TMPRSS15: variants seen among roughly 807,000 people sequenced by gnomAD.
TMPRSS15 encodes the protein transmembrane serine protease 15.
A neutral mutation model predicts 125.3 loss-of-function variants in TMPRSS15; 128 were observed. The observed-to-expected ratio is 1.02, with a 90% CI of 0.89 to 1.18. The LOEUF (loss-of-function observed/expected upper bound fraction) is 1.18. TMPRSS15 is among the 50% of genes most tolerant of loss of function. The probability of loss-of-function intolerance (pLI) is 0.00; values close to 1 mark genes in which losing one functional copy is unlikely to be tolerated. For synonymous variants in TMPRSS15, 446 were observed against 423.2 expected (o/e 1.05, Z -0.66); for missense variants, 1,283 against 1,212.7 (o/e 1.06, Z -0.86).
chr21:18,415,309 C>G (rs530094894), intron 1 of TMPRSS15, among the ~76,000 whole-genome samples: 1 of 152,172 alleles, frequency 6.6e-6, no homozygotes, highest in African/African-American at 2.4e-5. Context: ...CTATAGGTTG[C>G]CTTTCAATCT....
chr21:18,372,258 G>T lies in TMPRSS15; in HGVS notation c.599C>A (p.Ala200Asp). 1 of 1,613,248 alleles carries T rather than the reference G, an allele frequency of 6.2e-7. No homozygotes were observed. Among genetic ancestry groups the T allele is most frequent in the South Asian group, 1.1e-5 (1 of 91,060 alleles). ...PCTDALTCIK[A>D]DLFCDGEVNC... ...TACTTCTCCATCACAAAATAAATCAGCTTTTATACACGTTAGAGCATCAGT... is the reference window on the plus strand; with the variant it reads ...TACTTCTCCATCACAAAATAAATCATCTTTTATACACGTTAGAGCATCAGT... The change falls in exon 6 of 25, where the codon GCT (alanine) becomes GAT (aspartate). Residue 200 changes from alanine (A) to aspartate (D), a missense_variant. Physicochemically the swap from Ala to Asp is moderately radical, Grantham distance 126. Transcript: ENST00000284885.
intron 1 of TMPRSS15, among the ~76,000 whole-genome samples, chr21:18,481,480 T>C (rs2123291937): frequency 6.6e-6 from 1 of 151,974 alleles, no homozygotes; most frequent in South Asian, 2.1e-4. Context: ...TATGTTGCTA[T>C]GTGATGTATC....
At chr21:18,327,593 C>T (rs555691400) in intron 15 of TMPRSS15, among the ~76,000 whole-genome samples, 23 of 152,228 alleles carry the variant, frequency 1.5e-4, no homozygotes, top group Non-Finnish European at 2.6e-4. Context: ...CCTTGATGTG[C>T]TCTAGAAAAT....
At chr21:18,302,471 A>T (rs2074983680) in intron 18 of TMPRSS15, among the ~76,000 whole-genome samples, 1 of 152,204 alleles carries the variant, frequency 6.6e-6, no homozygotes. Flanking sequence ...CATGTATTGC[A>T]TTTATAACAA....
intron 18 of TMPRSS15, among the ~76,000 whole-genome samples, chr21:18,301,273 A>C (rs1453636385): frequency 1.3e-5 from 2 of 152,128 alleles, no homozygotes; most frequent in Admixed American, 1.3e-4. Flanking sequence ...GTCAAGTCAA[A>C]CTCATTCTTT....
intron 13 of TMPRSS15, among the ~76,000 whole-genome samples, chr21:18,333,447 A>T (rs2075363588): frequency 6.6e-6 from 1 of 152,152 alleles, no homozygotes; most frequent in South Asian, 2.1e-4. Flanking sequence ...TACTGTAGAA[A>T]ATGTTTACTT....
At chr21:18,447,341 G>A (rs1601465943) in intron 1 of TMPRSS15, among the ~76,000 whole-genome samples, 1 of 147,146 alleles carries the variant, frequency 6.8e-6, no homozygotes, top group East Asian at 2.0e-4. Context: ...TTGGGAGGCT[G>A]AGACAGGAGA....
intron 10 of TMPRSS15, among the ~76,000 whole-genome samples, chr21:18,351,348 C>A (rs538537208): frequency 6.6e-6 from 1 of 152,194 alleles, no homozygotes; most frequent in South Asian, 2.1e-4. Context: ...TAATTACATT[C>A]ATGCACTGAG....
chr21:18,426,758 T>C (rs898164421), intron 1 of TMPRSS15, among the ~76,000 whole-genome samples: 4 of 152,230 alleles, frequency 2.6e-5, no homozygotes, highest in African/African-American at 9.6e-5. Flanking sequence ...TTTTCATTGA[T>C]AACATTTGAA....
intron 1 of TMPRSS15, among the ~76,000 whole-genome samples, chr21:18,434,307 T>C (rs544209721): frequency 6.6e-6 from 1 of 152,332 alleles, no homozygotes; most frequent in African/African-American, 2.4e-5. Context: ...CATTTATATA[T>C]GTACACACAT....
chr21:18,313,168 T>C, intron 17 of TMPRSS15, 91 bp from the exon 18 acceptor site: 2 of 851,342 alleles, frequency 2.3e-6, no homozygotes, highest in Non-Finnish European at 4.0e-6. Context: ...GAGCTTCATT[T>C]AGACAGGAGG....
chr21:18,377,482 A>T (rs2123031684), intron 5 of TMPRSS15, among the ~76,000 whole-genome samples: 1 of 152,162 alleles, frequency 6.6e-6, no homozygotes, highest in East Asian at 1.9e-4. Context: ...ACGATGGTAC[A>T]GTGGTATCTG....
chr21:18,476,173 T>C (rs1164114645), intron 1 of TMPRSS15, among the ~76,000 whole-genome samples: 3 of 152,178 alleles, frequency 2.0e-5, no homozygotes, highest in Non-Finnish European at 4.4e-5. Context: ...ATCTGAATCA[T>C]ATTTCTTAGT....
intron 18 of TMPRSS15, among the ~76,000 whole-genome samples, chr21:18,307,328 G>T (rs2075048705): frequency 6.6e-6 from 1 of 152,100 alleles, no homozygotes; most frequent in Admixed American, 6.6e-5. Flanking sequence ...TAAAAAATCT[G>T]GTTATTTGTC....
intron 8 of TMPRSS15, among the ~76,000 whole-genome samples, chr21:18,357,858 T>C (rs2075640859): frequency 6.6e-6 from 1 of 151,772 alleles, no homozygotes; most frequent in South Asian, 2.1e-4. Context: ...TAAGATAATA[T>C]TAGTTTTCTT....
chr21:18,336,383 T>C (rs1043117269), intron 13 of TMPRSS15, among the ~76,000 whole-genome samples: 33 of 152,208 alleles, frequency 2.2e-4, no homozygotes, highest in Admixed American at 1.9e-3. Flanking sequence ...GCTATTGTTT[T>C]TCATCATTAT....
chr21:18,451,771 G>C (rs1317071043), intron 1 of TMPRSS15, among the ~76,000 whole-genome samples: 27 of 152,026 alleles, frequency 1.8e-4, no homozygotes, highest in Admixed American at 1.7e-3. Flanking sequence ...TTCAGTTTTT[G>C]TATGACTGTC....
At chr21:18,289,378 G>A (rs1334070007) in intron 21 of TMPRSS15, among the ~76,000 whole-genome samples, 1 of 152,146 alleles carries the variant, frequency 6.6e-6, no homozygotes, top group Non-Finnish European at 1.5e-5. Flanking sequence ...CGGGTGTGGT[G>A]GTGCATGCCT....
chr21:18,396,792 A>AAAATCTATCTG lies in TMPRSS15; in HGVS notation c.344+1086_344+1087insCAGATAGATTT, dbSNP rs1408156983. ...CTGTCTCAAAAAAAAAAAAAAAAAA[A>AAAATCTATCTG]TCTGTCTGTCTGTCTGTCTATCTAT... On this transcript the variant is annotated intron_variant, in intron 3 of 24. Coordinates refer to ENST00000284885, the MANE Select transcript of TMPRSS15 (RefSeq NM_002772.3). Among the ~76,000 whole-genome samples the AAAATCTATCTG allele has an allele frequency of 2.5e-3, 285 of 112,776 alleles. 6 individuals are homozygous for AAAATCTATCTG. Among genetic ancestry groups the AAAATCTATCTG allele is most frequent in the African/African-American group, 9.1e-3 (266 of 29,258 alleles). 74.0% of individuals were successfully genotyped at this position (112,776 alleles called of 152,430 possible).
Sources: allele counts gnomAD v4.1 joint callset (sites outside exome capture counted in the v4.1 genomes callset), GRCh38; gene constraint gnomAD v4.1.1; transcripts MANE v1.5; gene names NCBI Gene and HGNC (gene_info 2026-07-23, HGNC 2026-07-21).